SZRD1: variants seen among roughly 807,000 people sequenced by gnomAD.
The protein encoded by SZRD1 is SUZ RNA-binding domain-containing.
A neutral mutation model predicts 17.6 loss-of-function variants in SZRD1; 7 were observed. The ratio of observed to expected loss-of-function variants is 0.40; its 90% CI spans 0.23 to 0.75. The LOEUF (loss-of-function observed/expected upper bound fraction) is 0.75. Ranked by LOEUF, SZRD1 falls within the 30% of genes least tolerant of loss-of-function variation. SZRD1 has a pLI of 0.38. For missense variants in SZRD1, 178 were observed against 201.8 expected (o/e 0.88, Z 0.71); for synonymous variants, 77 against 77.9 (o/e 0.99, Z 0.06).
chr1:16,376,563 T>TG (rs1454361817), intron 1 of SZRD1, among the ~76,000 whole-genome samples: 1 of 152,120 alleles, frequency 6.6e-6, no homozygotes, highest in Non-Finnish European at 1.5e-5. Context: ...CCCAGCACTT[T>TG]GGGGGGCCGA....
chr1:16,384,144 A>G (rs558705902), intron 1 of SZRD1, among the ~76,000 whole-genome samples: 1 of 152,216 alleles, frequency 6.6e-6, no homozygotes, highest in East Asian at 1.9e-4. Flanking sequence ...AGGCCAGGAC[A>G]CTGTCACTGC....
Position 16,395,058 on chromosome 1 carries a change from C to G in SZRD1, c.377C>G (p.Pro126Arg). The G allele has an allele frequency of 1.2e-6, 2 of 1,613,302 alleles. No homozygotes were observed. The highest frequency in any genetic ancestry group is 1.7e-6 in the Non-Finnish European group (2 of 1,179,244). Reference protein sequence around the residue: ...ILDRPTRISQPEDSRQPNNVI... With the variant: ...ILDRPTRISQREDSRQPNNVI... Reference sequence around the variant, plus strand: ...TTCAGGCCAACCAGGATCTCCCAACCCGAAGACAGCAGGCAGCCCAATAAT... The same window carrying G: ...TTCAGGCCAACCAGGATCTCCCAACGCGAAGACAGCAGGCAGCCCAATAAT... The change falls in exon 4 of 4, where the codon CCC (proline) becomes CGC (arginine). Residue 126 changes from proline (P) to arginine (R), a missense_variant. Physicochemically the swap from Pro to Arg is moderately radical, Grantham distance 103 (BLOSUM62 -2). This residue lies in a region of SZRD1 where 57 missense variants were observed against 71.9 expected (regional missense o/e 0.79). Transcript: ENST00000401088.
intron 1 of SZRD1, among the ~76,000 whole-genome samples, chr1:16,374,833 A>T (rs1570002253): frequency 6.6e-6 from 1 of 152,200 alleles, no homozygotes; most frequent in South Asian, 2.1e-4. Context: ...AAATAAAAAA[A>T]TTTTAATGTA....
intron 1 of SZRD1, among the ~76,000 whole-genome samples, chr1:16,376,206 A>G (rs1295710700): frequency 6.6e-6 from 1 of 152,068 alleles, no homozygotes; most frequent in African/African-American, 2.4e-5. Flanking sequence ...CCTTTTTTGG[A>G]GCAATTTGTT....
rs754829531 is a variant in SZRD1, at chr1:16,391,740, A to T, written c.101+316A>T. ...CCCCAGTTGCTCTGAGGTCTGGGGC[A>T]AGTCATTTCCCAGATCTGGACATCA... On this transcript the variant is annotated intron_variant, in intron 2 of 3. Transcript: ENST00000401088. The surrounding 1 kb of genome is among the most constrained non-coding windows in gnomAD (Gnocchi z 4.3). Among the ~76,000 whole-genome samples the T allele has an allele frequency of 1.3e-5, 2 of 152,072 alleles. No homozygotes were observed. Among genetic ancestry groups the T allele is most frequent in the East Asian group, 1.9e-4 (1 of 5,196 alleles).
At position 16,395,173 on chromosome 1, in the gene SZRD1, C is replaced by T. The variant is rs766295502; in HGVS notation, c.*33C>T. On this transcript the variant is annotated 3_prime_UTR_variant, in exon 4 of 4. Transcript: ENST00000401088. ...CAAGAAAAGATGCCGCCGTTGCTGCCGTCACCGCCTCCTGGGTCGTCCGCC... is the reference window on the plus strand; with the variant it reads ...CAAGAAAAGATGCCGCCGTTGCTGCTGTCACCGCCTCCTGGGTCGTCCGCC... 1.5e-5 allele frequency: 22 copies of T among 1,497,784 alleles called. No individual in the cohort carries two copies. In the East Asian group the frequency reaches 1.8e-4, roughly 12 times the overall value. The allele number at this position is 1,497,784 out of a possible 1,614,324, so 92.8% of individuals were successfully genotyped here.
At chr1:16,368,170 G>T (rs1294121497) in intron 1 of SZRD1, among the ~76,000 whole-genome samples, 2 of 152,166 alleles carry the variant, frequency 1.3e-5, no homozygotes, top group African/African-American at 4.8e-5. Context: ...GAATAATTTG[G>T]TCTTTTCAGA....
intron 3 of SZRD1, among the ~76,000 whole-genome samples, chr1:16,394,553 G>T (rs1486882043): frequency 2.6e-5 from 4 of 152,188 alleles, no homozygotes; most frequent in Admixed American, 2.6e-4. Context: ...GTGCACCACC[G>T]ACCCTGCCTG....
intron 1 of SZRD1, among the ~76,000 whole-genome samples, chr1:16,369,749 C>G (rs12126229): frequency 4.6e-5 from 7 of 151,968 alleles, no homozygotes; most frequent in African/African-American, 7.3e-5. Context: ...ATTAGCTGGA[C>G]CCTATGGTAC....
chr1:16,379,120 G>GTGTTT (rs1271287125), intron 1 of SZRD1, among the ~76,000 whole-genome samples: 1 of 151,892 alleles, frequency 6.6e-6, no homozygotes, highest in African/African-American at 2.4e-5. Flanking sequence ...GGGTTCAGTT[G>GTGTTT]TGTTTTGTTT....
intron 1 of SZRD1, among the ~76,000 whole-genome samples, chr1:16,368,905 G>T (rs6603858): frequency 1.3e-5 from 2 of 152,150 alleles, no homozygotes; most frequent in South Asian, 2.1e-4. Context: ...TGTTAGAGAA[G>T]TTGGAGGCAA....
intron 1 of SZRD1, among the ~76,000 whole-genome samples, chr1:16,389,802 C>T (rs1429581869): frequency 6.6e-6 from 1 of 152,212 alleles, no homozygotes; most frequent in Non-Finnish European, 1.5e-5. Context: ...ACATGCTGAG[C>T]CATGGGGCAG....
intron 1 of SZRD1, among the ~76,000 whole-genome samples, chr1:16,371,516 C>T (rs1282173165): frequency 1.4e-5 from 2 of 147,612 alleles, no homozygotes; most frequent in Admixed American, 6.9e-5. Flanking sequence ...GGCTGGAGTG[C>T]AGTGGCGCAA....
Position 16,367,450 on chromosome 1 carries a change from C to G in SZRD1, c.51+142C>G, listed in dbSNP as rs990459779. On this transcript the variant is annotated intron_variant, in intron 1 of 3. Transcript: ENST00000401088. ...GGGGTGGTGGAGAGGCCCCCAGTTCCTGAGCGCCGTGAAGGCCTCTTAAAG... is the reference window on the plus strand; with the variant it reads ...GGGGTGGTGGAGAGGCCCCCAGTTCGTGAGCGCCGTGAAGGCCTCTTAAAG... The G allele has an allele frequency of 1.1e-5, 8 of 744,546 alleles. No homozygotes were observed. The Admixed American group carries it at 2.5e-4, about 23-fold the overall frequency. 46.1% of individuals were successfully genotyped at this position (744,546 alleles called of 1,614,324 possible).
chr1:16,385,132 C>G (rs1223353033), intron 1 of SZRD1, among the ~76,000 whole-genome samples: 1 of 152,082 alleles, frequency 6.6e-6, no homozygotes, highest in Non-Finnish European at 1.5e-5. Flanking sequence ...TATAAGATTG[C>G]TCTATTTCTT....
chr1:16,383,971 A>G (rs977055864), intron 1 of SZRD1, among the ~76,000 whole-genome samples: 2 of 152,186 alleles, frequency 1.3e-5, no homozygotes, highest in South Asian at 4.1e-4. Context: ...TAATTGTAAC[A>G]TGATTATTAT....
chr1:16,374,474 G>A (rs1403527564), intron 1 of SZRD1, among the ~76,000 whole-genome samples: 1 of 152,252 alleles, frequency 6.6e-6, no homozygotes, highest in East Asian at 1.9e-4. Flanking sequence ...TGGGTATCAA[G>A]AGAGCTGCCA....
intron 1 of SZRD1, 110 bp downstream of exon 1, chr1:16,367,418 C>T (rs2082838920): frequency 9.1e-7 from 1 of 1,096,418 alleles, no homozygotes; most frequent in Admixed American, 2.6e-5. Context: ...CCCCATACGC[C>T]GGGCTGGGGG....
intron 1 of SZRD1, chr1:16,387,543 A>G (rs1038200089): frequency 2.2e-6 from 1 of 456,618 alleles, no homozygotes; most frequent in African/African-American, 2.0e-5. Flanking sequence ...GTCATTAGGC[A>G]GGGCAAGTGC....
Sources: allele counts gnomAD v4.1 joint callset (sites outside exome capture counted in the v4.1 genomes callset), GRCh38; gene constraint gnomAD v4.1.1; regional missense constraint gnomAD v4.1.1; non-coding constraint Gnocchi (gnomAD v3.1); transcripts MANE v1.5; gene names NCBI Gene and HGNC (gene_info 2026-07-23, HGNC 2026-07-21).